The following SMUG1 variants were observed in gnomAD, a reference collection of about 807,000 sequenced individuals.
SMUG1 encodes the protein single-strand selective monofunctional uracil DNA glycosylase.
A neutral mutation model predicts 23.9 loss-of-function variants in SMUG1; 13 were observed. The ratio of observed to expected loss-of-function variants is 0.54; its 90% CI spans 0.35 to 0.86. The LOEUF is 0.86. Ranked by LOEUF, SMUG1 falls within the 40% of genes least tolerant of loss-of-function variation. SMUG1 has a pLI of 0.01. For missense variants in SMUG1, 313 were observed against 339.5 expected, an observed-to-expected ratio of 0.92 and a Z score of 0.61; for synonymous variants, 133 against 139.8, an observed-to-expected ratio of 0.95 and a Z score of 0.34.
chr12:54,159,238 A>G (rs1177957335), intron 4 of SMUG1, among the ~76,000 whole-genome samples: 4 of 152,142 alleles, frequency 2.6e-5, no homozygotes, highest in South Asian at 4.1e-4. Context: ...CTCACTGAAG[A>G]AGGAGGTAAT....
chr12:54,182,202 C>T lies in SMUG1; in HGVS notation c.707G>A (p.Gly236Glu). The T allele has an allele frequency of 6.2e-7, 1 of 1,611,776 alleles. No individual in the cohort carries two copies. Among genetic ancestry groups the T allele is most frequent in the Non-Finnish European group, 8.5e-7 (1 of 1,178,418 alleles). Residue 236 changes from glycine (G) to glutamate (E), a missense_variant, in exon 4 of 4, where the codon GGG becomes GAG. Physicochemically the swap from Gly to Glu is moderately conservative, Grantham distance 98 (BLOSUM62 -2). Transcript: ENST00000682136. The stretch of plus-strand genomic sequence containing the variant: ...GTTACGGGGAGAGGGATGCAGGAGC[C>T]CTTCCACCTGGACCTCTGGCATCAG... ...AGLMPEVQVE[G>E]LLHPSPRNPQ...
chr12:54,174,217 A>G (rs533767900), intron 2 of SMUG1, among the ~76,000 whole-genome samples: 1 of 152,306 alleles, frequency 6.6e-6, no homozygotes, highest in African/African-American at 2.4e-5. Flanking sequence ...CAAAGTCATC[A>G]CACCCCAATC....
At chr12:54,188,893 C>T (rs567331475) in intron 1 of SMUG1, 58 bp downstream of exon 1, 2 of 152,322 alleles carry the variant, frequency 1.3e-5, no homozygotes, top group African/African-American at 4.8e-5. Flanking sequence ...CCCCGACGAC[C>T]CTGGGAGCCG....
intron 3 of SMUG1, among the ~76,000 whole-genome samples, chr12:54,167,912 C>T (rs1337956454): frequency 1.3e-5 from 2 of 152,202 alleles, no homozygotes; most frequent in African/African-American, 4.8e-5. Flanking sequence ...CTAGACAGGC[C>T]TCCTGTTCAC....
At chr12:54,176,277 T>C (rs1054779358), downstream of SMUG1, among the ~76,000 whole-genome samples, 1 of 151,768 alleles carries the variant, frequency 6.6e-6, no homozygotes, top group African/African-American at 2.4e-5. Context: ...CCCAGCACTT[T>C]AGGAGGCTAA....
Position 54,181,864 on chromosome 12 carries a change from A to G in SMUG1, c.*232T>C. 7.0e-7 allele frequency: 1 copy of G among 1,421,684 alleles called. No homozygotes were observed. Among genetic ancestry groups the G allele is most frequent in the East Asian group, 2.5e-5 (1 of 39,632 alleles). 88.1% of individuals were successfully genotyped at this position (1,421,684 alleles called of 1,614,324 possible). ...TTCCCTACAAAGTGGGGTCCCCTGA[A>G]AGGGGCAATGTTAAAAGGTAAAGAA... On this transcript the variant is annotated 3_prime_UTR_variant, in exon 4 of 4. Coordinates refer to ENST00000682136, the MANE Select transcript of SMUG1 (RefSeq NM_001243787.2).
At chr12:54,164,134 G>A (rs1002009378), downstream of SMUG1, among the ~76,000 whole-genome samples, 1 of 152,026 alleles carries the variant, frequency 6.6e-6, no homozygotes, top group African/African-American at 2.4e-5. Flanking sequence ...AAAGATGGGG[G>A]ACTTCCAGCC....
chr12:54,181,463 G>T lies in SMUG1; in HGVS notation c.*633C>A. The stretch of plus-strand genomic sequence containing the variant: ...AGGTAGGCATCCCTGTTTTACAGAT[G>T]AGGAGCCTGAGGCATAGAGAGGTTT... On this transcript the variant is annotated 3_prime_UTR_variant, in exon 4 of 4. Coordinates refer to ENST00000682136, the MANE Select transcript of SMUG1 (RefSeq NM_001243787.2). 1 of 1,187,772 alleles carries T rather than the reference G, an allele frequency of 8.4e-7. No individual in the cohort carries two copies. The highest frequency in any genetic ancestry group is 1.2e-6 in the Non-Finnish European group (1 of 833,050). 73.6% of individuals were successfully genotyped at this position (1,187,772 alleles called of 1,614,324 possible). A position where few individuals can be genotyped will look rare whatever the true frequency, so the allele number is the denominator to read the frequency against.
chr12:54,177,994 T>A (rs1231786496), downstream of SMUG1, among the ~76,000 whole-genome samples: 1 of 152,116 alleles, frequency 6.6e-6, no homozygotes, highest in Non-Finnish European at 1.5e-5. Flanking sequence ...AAGGTTAAAT[T>A]GGGTAATAAG....
Position 54,181,994 on chromosome 12 carries a change from C to G in SMUG1, c.*102G>C, listed in dbSNP as rs1421127100. On this transcript the variant is annotated 3_prime_UTR_variant, in exon 4 of 4. Coordinates refer to ENST00000682136, the MANE Select transcript of SMUG1 (RefSeq NM_001243787.2). ...TACGTTTCCCAGCGACCAGGGTGCA[C>G]AGAAGGACCTTTTGCTCCAGTCCAG... 36 of 1,507,752 alleles carry G rather than the reference C, an allele frequency of 2.4e-5. No homozygotes were observed. The highest frequency in any genetic ancestry group is 2.9e-5 in the Non-Finnish European group (33 of 1,130,478). 93.4% of individuals were successfully genotyped at this position (1,507,752 alleles called of 1,614,324 possible).
intron 4 of SMUG1, among the ~76,000 whole-genome samples, chr12:54,158,270 C>T (rs1249583342): frequency 6.6e-6 from 1 of 152,168 alleles, no homozygotes; most frequent in Admixed American, 6.5e-5. Context: ...ATAAGGATAG[C>T]AATTATCATA....
At chr12:54,185,472 AAAAAT>A (rs1193386521) in intron 2 of SMUG1, among the ~76,000 whole-genome samples, 1 of 92,830 alleles carries the variant, frequency 1.1e-5, no homozygotes, top group Non-Finnish European at 2.4e-5. Flanking sequence ...CATCTCAAAA[AAAAAT>A]AAAATAAAAA....
intron 2 of SMUG1, among the ~76,000 whole-genome samples, chr12:54,174,025 A>C (rs1226546014): frequency 6.6e-6 from 1 of 152,190 alleles, no homozygotes; most frequent in Non-Finnish European, 1.5e-5. Flanking sequence ...ACACAAATGC[A>C]TGTAATACAG....
At chr12:54,175,821 A>G (rs549076548), downstream of SMUG1, among the ~76,000 whole-genome samples, 2 of 152,348 alleles carry the variant, frequency 1.3e-5, no homozygotes, top group East Asian at 3.9e-4. Context: ...GCAGACATCA[A>G]TAAATGTTTA....
intron 2 of SMUG1, among the ~76,000 whole-genome samples, chr12:54,174,151 C>G (rs988993478): frequency 1.5e-4 from 23 of 152,170 alleles, no homozygotes; most frequent in Admixed American, 1.5e-3. Flanking sequence ...AGGGGACACA[C>G]AGACCTTCCA....
chr12:54,184,874 A>G (rs1941952743), intron 2 of SMUG1, among the ~76,000 whole-genome samples: 1 of 152,228 alleles, frequency 6.6e-6, no homozygotes, highest in African/African-American at 2.4e-5. Flanking sequence ...TAATGTTGAC[A>G]TAAGGAAGGC....
chr12:54,179,480 C>G (rs1175449398), downstream of SMUG1, among the ~76,000 whole-genome samples: 1 of 152,196 alleles, frequency 6.6e-6, no homozygotes, highest in Non-Finnish European at 1.5e-5. Flanking sequence ...AGTTATTCCA[C>G]TGTACCTAAT....
At chr12:54,184,741 C>T (rs1941923636) in intron 2 of SMUG1, among the ~76,000 whole-genome samples, 1 of 152,214 alleles carries the variant, frequency 6.6e-6, no homozygotes, top group Admixed American at 6.5e-5. Flanking sequence ...AGCTTCTTTC[C>T]CACACTCAGG....
chr12:54,182,819 G>C, intron 3 of SMUG1, 196 bp from the exon 4 acceptor site: 1 of 1,120,036 alleles, frequency 8.9e-7, no homozygotes, highest in South Asian at 1.8e-5. Flanking sequence ...TCTTCATTGT[G>C]AACCGTGGTC....
Sources: gnomAD v4.1 joint callset for allele counts (sites outside exome capture counted in the v4.1 genomes callset) on GRCh38, gnomAD v4.1.1 for gene constraint, MANE v1.5 for transcripts, NCBI Gene and HGNC (gene_info 2026-07-23, HGNC 2026-07-21) for gene names.